The following P2RY12 variants were observed in gnomAD, a reference collection of about 807,000 sequenced individuals.
The protein encoded by P2RY12 is P2Y purinoceptor 12.
P2RY12 carries 3 observed loss-of-function variants against 4.5 expected under a neutral mutation model. The observed-to-expected ratio is 0.67, with a 90% CI of 0.31 to 1.74. The LOEUF (loss-of-function observed/expected upper bound fraction) is 1.74, where lower values mean the gene tolerates loss of function less well. Ranked by LOEUF, P2RY12 falls within the 40% of genes most tolerant of loss-of-function variation. P2RY12 has a pLI of 0.09. For missense variants in P2RY12, 356 were observed against 407.8 expected, an observed-to-expected ratio of 0.87 and a Z score of 1.09; for synonymous variants, 148 against 154.1, an observed-to-expected ratio of 0.96 and a Z score of 0.29.
At chr3:151,340,053 G>A (rs1751612351) in intron 2 of P2RY12, among the ~76,000 whole-genome samples, 1 of 152,046 alleles carries the variant, frequency 6.6e-6, no homozygotes, top group African/African-American at 2.4e-5. Flanking sequence ...AATTATGGAA[G>A]GAAAACGATT....
At chr3:151,374,007 A>G (rs1336458805) in intron 1 of P2RY12, among the ~76,000 whole-genome samples, 3 of 152,186 alleles carry the variant, frequency 2.0e-5, no homozygotes, top group Non-Finnish European at 4.4e-5. Flanking sequence ...ATATATATTT[A>G]TGAGGTCCTA....
rs199746754 is a variant in P2RY12, at chr3:151,338,374, G to T, written c.472C>A (p.Pro158Thr). ...IWAFMFLLSL[P>T]NMILTNRQPR... ...TGCCTGTTGGTCAGAATCATGTTAG[G>T]CAAAGAGAGTAAGAACATGAATGCC... Residue 158 changes from proline to threonine, a missense_variant, in exon 3 of 3, where the codon CCT becomes ACT. By Grantham distance (38) the Pro-to-Thr change is conservative. Transcript: ENST00000302632. 6.2e-7 allele frequency: 1 copy of T among 1,614,068 alleles called. No individual in the cohort carries two copies. The highest frequency in any genetic ancestry group is 1.7e-5 in the Admixed American group (1 of 59,998).
chr3:151,357,842 C>T (rs192925980), intron 1 of P2RY12, among the ~76,000 whole-genome samples: 6 of 152,238 alleles, frequency 3.9e-5, no homozygotes, highest in South Asian at 2.1e-4. Flanking sequence ...TAACCTAGAA[C>T]AAATTACTTC....
Position 151,374,547 on chromosome 3 carries a change from C to CAAAGAAAGAAAG in P2RY12, c.-180+10133_-180+10144dup, listed in dbSNP as rs35163871. ...CTGGTAAGAGAGCAAGACTCTGTCT[C>CAAAGAAAGAAAG]AAAGAAAGAAAGAAAGAAAGAAAGA... On this transcript the variant is annotated intron_variant, in intron 1 of 2. Coordinates refer to ENST00000302632, the MANE Select transcript of P2RY12 (RefSeq NM_022788.5). Among the ~76,000 whole-genome samples, 15 of 151,000 alleles carry CAAAGAAAGAAAG rather than the reference C, an allele frequency of 9.9e-5. No individual in the cohort carries two copies. In the South Asian group the frequency reaches 1.3e-3, roughly 13 times the overall value.
intron 1 of P2RY12, among the ~76,000 whole-genome samples, chr3:151,379,192 A>G (rs112578093): frequency 2.6e-5 from 4 of 152,312 alleles, no homozygotes; most frequent in African/African-American, 9.6e-5. Flanking sequence ...GCATAATTCT[A>G]ATTTTCAAAT....
At chr3:151,340,110 A>G (rs937228120) in intron 2 of P2RY12, among the ~76,000 whole-genome samples, 2 of 152,116 alleles carry the variant, frequency 1.3e-5, no homozygotes, top group Non-Finnish European at 2.9e-5. Context: ...GCATCTCCTC[A>G]CCTATTTAGC....
chr3:151,377,316 T>G (rs1756966824), intron 1 of P2RY12: 2 of 685,714 alleles, frequency 2.9e-6, no homozygotes. Flanking sequence ...TTATTATTAA[T>G]AAGTTAATGA....
At chr3:151,348,468 T>C (rs1212930468) in intron 1 of P2RY12, among the ~76,000 whole-genome samples, 7 of 152,094 alleles carry the variant, frequency 4.6e-5, no homozygotes, top group Admixed American at 2.6e-4. Context: ...GGATCACTGC[T>C]TATGTCATTT....
chr3:151,359,800 T>G (rs1754383730), intron 1 of P2RY12, among the ~76,000 whole-genome samples: 1 of 152,114 alleles, frequency 6.6e-6, no homozygotes, highest in South Asian at 2.1e-4. Flanking sequence ...GATGCACAGA[T>G]AGGTGAATGG....
rs760793721 is a variant in P2RY12 at position 151,343,868 on chromosome 3, G to A, written c.-179-3108C>T. On this transcript the variant is annotated intron_variant, in intron 1 of 2. Transcript: ENST00000302632. ...TCTTTTGGAACTGGGCAGGAGGATAGAGATATAATTATGACATTTGATAGC... is the reference window on the plus strand; with the variant it reads ...TCTTTTGGAACTGGGCAGGAGGATAAAGATATAATTATGACATTTGATAGC... 8.9e-4 allele frequency among the ~76,000 whole-genome samples: 135 copies of A among 152,310 alleles called. 1 individual carries two copies. The highest frequency in any genetic ancestry group is 2.4e-3 in the Admixed American group (36 of 15,294).
chr3:151,345,144 AT>A (rs2149986392), intron 1 of P2RY12, among the ~76,000 whole-genome samples: 1 of 152,352 alleles, frequency 6.6e-6, no homozygotes, highest in East Asian at 1.9e-4. Context: ...AAAGAAAGTA[AT>A]TGATCTAAAG....
At chr3:151,352,439 G>A (rs1338810854) in intron 1 of P2RY12, among the ~76,000 whole-genome samples, 2 of 152,136 alleles carry the variant, frequency 1.3e-5, no homozygotes, top group African/African-American at 2.4e-5. Context: ...GGGATGTAGT[G>A]AGCTGCTGTA....
chr3:151,340,553 G>A (rs1211957283), intron 2 of P2RY12, 43 bp downstream of exon 2: 2 of 152,586 alleles, frequency 1.3e-5, no homozygotes, highest in African/African-American at 2.4e-5. Flanking sequence ...ATATCAGAGT[G>A]TAAATACATA....
intron 1 of P2RY12, chr3:151,375,889 A>G: frequency 2.0e-6 from 1 of 494,282 alleles, no homozygotes; most frequent in Non-Finnish European, 3.2e-6. Flanking sequence ...TTTTCTACCT[A>G]CTTTTTAATG....
Position 151,338,032 on chromosome 3 carries a change from C to T in P2RY12, c.814G>A (p.Ala272Thr). 6.2e-7 allele frequency: 1 copy of T among 1,614,116 alleles called. No homozygotes were observed. The highest frequency in any genetic ancestry group is 8.5e-7 in the Non-Finnish European group (1 of 1,179,998). ...TTCACATAGAACAGAGTATTTTCAG[C>T]AGTGCAGTCAAAGACATCCCGGGTT... Reference protein sequence around the residue: ...SQTRDVFDCTAENTLFYVKES... With the variant: ...SQTRDVFDCTTENTLFYVKES... The change falls in exon 3 of 3, where the codon GCT (alanine) becomes ACT (threonine). Residue 272 changes from alanine to threonine, a missense_variant. Ala to Thr is a moderately conservative substitution (Grantham distance 58). Coordinates refer to ENST00000302632, the MANE Select transcript of P2RY12 (RefSeq NM_022788.5).
At chr3:151,380,801 G>A (rs1175506990) in intron 1 of P2RY12, among the ~76,000 whole-genome samples, 1 of 152,054 alleles carries the variant, frequency 6.6e-6, no homozygotes, top group Non-Finnish European at 1.5e-5. Context: ...CTATCTGCCC[G>A]TCTCCTAACT....
intron 1 of P2RY12, among the ~76,000 whole-genome samples, chr3:151,361,353 A>G (rs780383164): frequency 1.5e-4 from 23 of 152,170 alleles, no homozygotes; most frequent in Non-Finnish European, 2.9e-4. Context: ...CATTAAAAGT[A>G]GGAAACCTGG....
chr3:151,365,472 A>G (rs1175259497), intron 1 of P2RY12, among the ~76,000 whole-genome samples: 1 of 152,228 alleles, frequency 6.6e-6, no homozygotes, highest in Non-Finnish European at 1.5e-5. Flanking sequence ...AACATATAAT[A>G]AAAATATAAA....
In P2RY12 at chr3:151,337,763, G is replaced by A. The variant is rs1340995254; in HGVS notation, c.*54C>T. ...AGTTAATATTTTTACTTAGCGCTTTGCTTTAACGAGTTCTGAACACAAAGA... is the reference window on the plus strand; with the variant it reads ...AGTTAATATTTTTACTTAGCGCTTTACTTTAACGAGTTCTGAACACAAAGA... On this transcript the variant is annotated 3_prime_UTR_variant, in exon 3 of 3. Transcript: ENST00000302632. 6.4e-7 allele frequency: 1 copy of A among 1,556,222 alleles called. No homozygotes were observed. The highest frequency in any genetic ancestry group is 8.8e-7 in the Non-Finnish European group (1 of 1,130,764).
Sources: allele counts gnomAD v4.1 joint callset (sites outside exome capture counted in the v4.1 genomes callset), GRCh38; gene constraint gnomAD v4.1.1; transcripts MANE v1.5; gene names NCBI Gene and HGNC (gene_info 2026-07-23, HGNC 2026-07-21).